The following GRIK4 variants were observed in gnomAD, a reference collection of about 807,000 sequenced individuals.
GRIK4 encodes glutamate ionotropic receptor kainate type subunit 4, also known as glutamate receptor ionotropic, kainate 4.
Under a neutral mutation model 104.9 loss-of-function variants are expected in GRIK4, and 40 were observed. That is an observed-to-expected ratio of 0.38 (90% confidence interval 0.30 to 0.50). The LOEUF (loss-of-function observed/expected upper bound fraction) is 0.50. Among genes scored for constraint, GRIK4 ranks in the 20% least tolerant of loss-of-function variants. The probability of loss-of-function intolerance (pLI) is 0.93; values close to 1 mark genes in which losing one functional copy is unlikely to be tolerated. For missense variants in GRIK4, 1,047 were observed against 1,308.1 expected (o/e 0.80, Z 3.08); for synonymous variants, 485 against 524.9 (o/e 0.92, Z 1.04).
At chr11:120,587,074 A>G (rs1948674906) in intron 1 of GRIK4, among the ~76,000 whole-genome samples, 1 of 152,228 alleles carries the variant, frequency 6.6e-6, no homozygotes, top group African/African-American at 2.4e-5. Flanking sequence ...TTGTCTTTAC[A>G]AAACTGAAAA....
At chr11:120,716,400 T>G (rs961388788) in intron 3 of GRIK4, among the ~76,000 whole-genome samples, 1 of 152,102 alleles carries the variant, frequency 6.6e-6, no homozygotes, top group Non-Finnish European at 1.5e-5. Context: ...CCTGCCACTG[T>G]GCCCAGCTAA....
At position 120,834,574 on chromosome 11, in the gene GRIK4, G is replaced by T. The variant is rs1565381575; in HGVS notation, c.691-2217G>T. ...GGCTCCGTACTCTTCCCTCCAGGAG[G>T]GCACAACAGGGCCTCTCAGGGCCTC... is the stretch of plus-strand genomic sequence containing the variant. On this transcript the variant is annotated intron_variant, in intron 7 of 20. Coordinates refer to ENST00000527524, the MANE Select transcript of GRIK4 (RefSeq NM_014619.5). 1.3e-5 allele frequency among the ~76,000 whole-genome samples: 2 copies of T among 150,446 alleles called. 1 individual carries two copies. The highest frequency in any genetic ancestry group is 4.3e-4 in the South Asian group (2 of 4,674).
chr11:120,833,460 G>A (rs1192261508), intron 7 of GRIK4, among the ~76,000 whole-genome samples: 1 of 152,132 alleles, frequency 6.6e-6, no homozygotes, highest in East Asian at 1.9e-4. Flanking sequence ...TTGGGAGCAG[G>A]CAGTGAGAGC....
intron 1 of GRIK4, among the ~76,000 whole-genome samples, chr11:120,634,257 G>A (rs1415022287): frequency 6.6e-6 from 1 of 152,172 alleles, no homozygotes; most frequent in Non-Finnish European, 1.5e-5. Flanking sequence ...CTCTAGCCTT[G>A]TTAGAGTGTT....
At chr11:120,743,625 T>A (rs1477844779) in intron 3 of GRIK4, among the ~76,000 whole-genome samples, 4 of 152,136 alleles carry the variant, frequency 2.6e-5, no homozygotes, top group Non-Finnish European at 1.5e-5. Flanking sequence ...AATCTTGGAA[T>A]TAGCCATAAA....
intron 3 of GRIK4, among the ~76,000 whole-genome samples, chr11:120,768,700 A>G (rs1951884833): frequency 6.6e-6 from 1 of 152,104 alleles, no homozygotes; most frequent in Non-Finnish European, 1.5e-5. Flanking sequence ...CCTTTATTGT[A>G]TTGAGGAATT....
At chr11:120,518,403 C>A (rs916015557) in intron 1 of GRIK4, among the ~76,000 whole-genome samples, 3 of 152,172 alleles carry the variant, frequency 2.0e-5, no homozygotes, top group African/African-American at 7.2e-5. Context: ...AATAGTGTCT[C>A]TAGCAAGGCT....
chr11:120,783,049 ACC>A (rs763655176), intron 3 of GRIK4, among the ~76,000 whole-genome samples: 19 of 152,032 alleles, frequency 1.2e-4, no homozygotes, highest in Non-Finnish European at 2.2e-4. Context: ...CACATTGGGG[ACC>A]CCTGAAATTT....
chr11:120,900,147 C>T (rs186680722), intron 12 of GRIK4, among the ~76,000 whole-genome samples: 113 of 152,216 alleles, frequency 7.4e-4, no homozygotes, highest in African/African-American at 2.1e-3. Context: ...GGGGCATTGA[C>T]GATGGGCTCT....
intron 8 of GRIK4, among the ~76,000 whole-genome samples, chr11:120,857,741 T>G (rs986871963): frequency 6.6e-6 from 1 of 152,158 alleles, no homozygotes; most frequent in Non-Finnish European, 1.5e-5. Flanking sequence ...ATGTCTTCAA[T>G]CAACTGTCCT....
intron 9 of GRIK4, chr11:120,870,322 G>A (rs1414031951): frequency 2.6e-5 from 4 of 152,220 alleles, no homozygotes; most frequent in Non-Finnish European, 5.9e-5. Context: ...GGCAGCCAAT[G>A]GCTAATGGCT....
intron 20 of GRIK4, 48 bp downstream of exon 20, chr11:120,982,272 A>G (rs751997833): frequency 1.4e-5 from 14 of 989,012 alleles, no homozygotes; most frequent in Non-Finnish European, 2.1e-5. Flanking sequence ...GATGGGGTGA[A>G]GTTCACAGGC....
chr11:120,831,725 C>T lies in GRIK4; in HGVS notation c.512-127C>T, dbSNP rs1953431915. 8 of 649,986 alleles carry T rather than the reference C, an allele frequency of 1.2e-5. 1 individual carries two copies. The allele number at this position is 649,986 out of a possible 1,614,324, so 40.3% of individuals were successfully genotyped here. ...CAGGTTATGATCTGTCTCCTTAATG[C>T]TGTCAGTGGGGCCAGACCCCCCGAC... On this transcript the variant is annotated intron_variant, in intron 6 of 20. Coordinates refer to ENST00000527524, the MANE Select transcript of GRIK4 (RefSeq NM_014619.5).
At chr11:120,561,913 G>A (rs1948243093) in intron 1 of GRIK4, among the ~76,000 whole-genome samples, 1 of 152,228 alleles carries the variant, frequency 6.6e-6, no homozygotes, top group Non-Finnish European at 1.5e-5. Context: ...TGGCCCACTT[G>A]AAAAGGGTGC....
At position 120,513,703 on chromosome 11, in the gene GRIK4, G is replaced by C. The variant is rs1682686029; in HGVS notation, c.-159+1816G>C. ...CACCAGCCTCCCGCCTGCCTCACCA[G>C]CTCCACCCCTCTGTCCTCCTCTGGA... On this transcript the variant is annotated intron_variant, in intron 1 of 20. Coordinates refer to ENST00000527524, the MANE Select transcript of GRIK4 (RefSeq NM_014619.5). This position sits in a 1 kb window ranked among gnomAD's most constrained non-coding sequence, Gnocchi z 4.5. 6.6e-6 allele frequency among the ~76,000 whole-genome samples: 1 copy of C among 152,162 alleles called. No homozygotes were observed. Among genetic ancestry groups the C allele is most frequent in the South Asian group, 2.1e-4 (1 of 4,832 alleles).
At chr11:120,790,658 C>T (rs958156378) in intron 3 of GRIK4, among the ~76,000 whole-genome samples, 2 of 152,136 alleles carry the variant, frequency 1.3e-5, no homozygotes, top group African/African-American at 2.4e-5. Flanking sequence ...GCCTGAGGGC[C>T]AGGCAGGTGC....
At chr11:120,741,360 C>T (rs1460094512) in intron 3 of GRIK4, among the ~76,000 whole-genome samples, 4 of 147,910 alleles carry the variant, frequency 2.7e-5, no homozygotes, top group African/African-American at 5.0e-5. Context: ...CTTACTGCAA[C>T]CTCCACCTCC....
chr11:120,602,090 C>A (rs74822289), intron 1 of GRIK4, among the ~76,000 whole-genome samples: 4,044 of 152,150 alleles, frequency 0.027, 345 homozygotes, highest in East Asian at 0.17. Context: ...CCGGGGCTGC[C>A]TTCCCCGGGC....
At chr11:120,545,048 C>A (rs1948071911) in intron 1 of GRIK4, among the ~76,000 whole-genome samples, 1 of 152,088 alleles carries the variant, frequency 6.6e-6, no homozygotes, top group African/African-American at 2.4e-5. Flanking sequence ...ACGCAGCTGA[C>A]TGAAGGCCTC....
Sources: allele counts gnomAD v4.1 joint callset (sites outside exome capture counted in the v4.1 genomes callset), GRCh38; gene constraint gnomAD v4.1.1; non-coding constraint Gnocchi (gnomAD v3.1); transcripts MANE v1.5; gene names NCBI Gene and HGNC (gene_info 2026-07-23, HGNC 2026-07-21).